ZFP69: variants seen among roughly 807,000 people sequenced by gnomAD.
ZFP69 encodes zinc finger protein 69 homolog.
Under a neutral mutation model 48.9 loss-of-function variants are expected in ZFP69, and 35 were observed. The ratio of observed to expected loss-of-function variants is 0.72; its 90% CI spans 0.55 to 0.95. ZFP69 has a LOEUF of 0.95. ZFP69 is among the 40% of genes least tolerant of loss of function. The pLI, the probability that ZFP69 is intolerant of heterozygous loss-of-function variation, is 0.00. For missense variants in ZFP69, 557 were observed against 638.4 expected (o/e 0.87, Z 1.37); for synonymous variants, 193 against 216.8 (o/e 0.89, Z 0.96).
At chr1:40,483,480 C>G (rs116524171) in intron 3 of ZFP69, among the ~76,000 whole-genome samples, 1 of 152,154 alleles carries the variant, frequency 6.6e-6, no homozygotes, top group Non-Finnish European at 1.5e-5. Context: ...CCTTCTGCCT[C>G]GGCCTCCCAA....
chr1:40,493,480 G>A (rs1192173039), intron 5 of ZFP69: 1 of 152,132 alleles, frequency 6.6e-6, no homozygotes, highest in African/African-American at 2.4e-5. Flanking sequence ...AACAAGAACA[G>A]TCTTGACTTT....
chr1:40,486,345 A>T (rs1645496201), intron 3 of ZFP69, among the ~76,000 whole-genome samples: 2 of 151,168 alleles, frequency 1.3e-5, no homozygotes, highest in African/African-American at 4.9e-5. Context: ...TTTTCTACCT[A>T]TTCCCTCTTC....
intron 3 of ZFP69, among the ~76,000 whole-genome samples, chr1:40,487,535 G>C (rs780289813): frequency 7.2e-5 from 11 of 152,096 alleles, no homozygotes; most frequent in Non-Finnish European, 1.6e-4. Flanking sequence ...TCTCAGTTGA[G>C]AGAAATGTAA....
chr1:40,489,378 T>TG, intron 4 of ZFP69, 151 bp from the exon 5 acceptor site: 1 of 1,147,878 alleles, frequency 8.7e-7, no homozygotes, highest in East Asian at 2.5e-5. Context: ...TTGACTTTCT[T>TG]GGGGAACAAC....
chr1:40,479,278 A>G lies in ZFP69; in HGVS notation c.-84A>G, dbSNP rs1440634181. 6 of 1,590,126 alleles carry G rather than the reference A, an allele frequency of 3.8e-6. 1 individual carries two copies. In the East Asian group the frequency reaches 1.4e-4, roughly 36 times the overall value. Reference sequence around the variant, plus strand: ...AGGGCAGGTGATTGGAATCTGAGCAACACCCCACAACTGTGAAGCGTCTCA... The same window carrying G: ...AGGGCAGGTGATTGGAATCTGAGCAGCACCCCACAACTGTGAAGCGTCTCA... On this transcript the variant is annotated 5_prime_UTR_variant, in exon 2 of 6. Coordinates refer to ENST00000372706, the MANE Select transcript of ZFP69 (RefSeq NM_001320179.2).
chr1:40,479,527 A>G, intron 2 of ZFP69, 39 bp downstream of exon 2: 1 of 1,576,084 alleles, frequency 6.3e-7, no homozygotes, highest in Middle Eastern at 1.7e-4. Flanking sequence ...AGGGGATCTC[A>G]TTTGTGTGTG....
rs1298180579 is a variant in ZFP69 at position 40,483,869 on chromosome 1, G to C, written c.219+2015G>C. Among the ~76,000 whole-genome samples the C allele has an allele frequency of 2.6e-5, 4 of 152,134 alleles. No individual in the cohort carries two copies. In the South Asian group the frequency reaches 8.3e-4, roughly 32 times the overall value. On this transcript the variant is annotated intron_variant, in intron 3 of 5. Coordinates refer to ENST00000372706, the MANE Select transcript of ZFP69 (RefSeq NM_001320179.2). ...AGGCAGAAAGATCACCTGAGGTCAG[G>C]AGTTCAAGACCAGCCTGTCCAACAT...
At chr1:40,488,478 C>G (rs959624839) in intron 3 of ZFP69, among the ~76,000 whole-genome samples, 1 of 152,194 alleles carries the variant, frequency 6.6e-6, no homozygotes, top group African/African-American at 2.4e-5. Context: ...TAAGAATGCA[C>G]AGGTCTTTGT....
chr1:40,489,441 C>A, intron 4 of ZFP69, 88 bp from the exon 5 acceptor site: 4 of 1,267,896 alleles, frequency 3.2e-6, no homozygotes, highest in African/African-American at 1.5e-5. Flanking sequence ...CTTGTGGAGA[C>A]CCTGAATACC....
chr1:40,478,231 C>T (rs1204319322), intron 1 of ZFP69, among the ~76,000 whole-genome samples: 8 of 152,074 alleles, frequency 5.3e-5, no homozygotes, highest in African/African-American at 1.9e-4. Flanking sequence ...TCCGACTGTT[C>T]TTGGAGTGCC....
intron 5 of ZFP69, 115 bp downstream of exon 5, chr1:40,489,739 A>G (rs1192975226): frequency 1.4e-6 from 1 of 714,370 alleles, no homozygotes; most frequent in Non-Finnish European, 2.2e-6. Flanking sequence ...CTGTACAGGA[A>G]GCATGGCACT....
intron 2 of ZFP69, among the ~76,000 whole-genome samples, chr1:40,481,269 G>A (rs1420447654): frequency 7.0e-6 from 1 of 142,560 alleles, no homozygotes; most frequent in Non-Finnish European, 1.5e-5. Context: ...TAGTCTGAAA[G>A]ACTAATAATG....
At chr1:40,493,366 A>AACTT (rs1645588985) in intron 5 of ZFP69, 1 of 152,116 alleles carries the variant, frequency 6.6e-6, no homozygotes, top group South Asian at 2.1e-4. Flanking sequence ...TCTCTTCCTC[A>AACTT]ACTTACAATA....
In ZFP69 at chr1:40,478,084, A is replaced by G. The variant is rs780192963; in HGVS notation, c.-327+190A>G. Among the ~76,000 whole-genome samples, 6 of 151,620 alleles carry G rather than the reference A, an allele frequency of 4.0e-5. No individual in the cohort carries two copies. In the East Asian group the frequency reaches 5.8e-4, roughly 15 times the overall value. ...GGTGGGATATTTCTCACAAGCTCCA[A>G]TTCCTAGAACACACGCAGCTCCTGT... On this transcript the variant is annotated intron_variant, in intron 1 of 5. Transcript: ENST00000372706.
At chr1:40,494,440 T>TC (rs1275301300) in intron 5 of ZFP69, among the ~76,000 whole-genome samples, 1 of 145,822 alleles carries the variant, frequency 6.9e-6, no homozygotes, top group East Asian at 2.0e-4. Context: ...GGCTAATTTT[T>TC]TGTATTTTTA....
rs41303439 is a variant in ZFP69, at chr1:40,495,697, G to A, written c.1219G>A (p.Gly407Arg). ...TAGTGAACATATAAGAATTCATACC[G>A]GGGAGAAGCCCTATGCATGCACTGC... ...HLSEHIRIHT[G>R]EKPYACTACC... Residue 407 changes from glycine (G) to arginine (R), a missense_variant, in exon 6 of 6, where the codon GGG becomes AGG. Transcript: ENST00000372706. 51 of 1,614,170 alleles carry A rather than the reference G, an allele frequency of 3.2e-5. 1 individual carries two copies. The highest frequency in any genetic ancestry group is 1.1e-4 in the African/African-American group (8 of 75,048).
rs566315210 is a variant in ZFP69 at position 40,479,553 on chromosome 1, A to G, written c.127+65A>G. Reference sequence around the variant, plus strand: ...TTTGTGTGTGAAAAGATAGGTACACACTTCATTGAAGTGGAGAGAAGGAGG... The same window carrying G: ...TTTGTGTGTGAAAAGATAGGTACACGCTTCATTGAAGTGGAGAGAAGGAGG... On this transcript the variant is annotated intron_variant, in intron 2 of 5. Transcript: ENST00000372706. The G allele has an allele frequency of 5.3e-6, 8 of 1,498,426 alleles. No homozygotes were observed. In the Admixed American group the frequency reaches 1.1e-4, roughly 21 times the overall value. The allele number at this position is 1,498,426 out of a possible 1,614,324, so 92.8% of individuals were successfully genotyped here.
intron 2 of ZFP69, among the ~76,000 whole-genome samples, chr1:40,481,058 C>T (rs1382755819): frequency 2.6e-5 from 4 of 152,296 alleles, no homozygotes; most frequent in Admixed American, 6.5e-5. Flanking sequence ...CCACCTGCCT[C>T]GGCCTCCCAA....
Position 40,495,069 on chromosome 1 carries a change from C to T in ZFP69, c.591C>T (p.Val197=). Residue 197 remains valine, a synonymous_variant, in exon 6 of 6, where the codon GTC becomes GTT. Coordinates refer to ENST00000372706, the MANE Select transcript of ZFP69 (RefSeq NM_001320179.2). Reference sequence around the variant, plus strand: ...GAAAAGTCTCCACATATGATGATGTCTTAGAAAGGCACCAGGAAACTTGTA... The same window carrying T: ...GAAAAGTCTCCACATATGATGATGTTTTAGAAAGGCACCAGGAAACTTGTA... ...TLRKVSTYDD[V]LERHQETCMR... is the part of the protein sequence containing the mutation. The T allele has an allele frequency of 6.2e-7, 1 of 1,613,936 alleles. No homozygotes were observed. The highest frequency in any genetic ancestry group is 8.5e-7 in the Non-Finnish European group (1 of 1,179,992).
Sources: gnomAD v4.1 joint callset for allele counts (sites outside exome capture counted in the v4.1 genomes callset) on GRCh38, gnomAD v4.1.1 for gene constraint, MANE v1.5 for transcripts, NCBI Gene and HGNC (gene_info 2026-07-23, HGNC 2026-07-21) for gene names.